Variants in BPI observed in about 807,000 individuals in gnomAD.
BPI encodes bactericidal permeability-increasing protein.
A neutral mutation model predicts 57.6 loss-of-function variants in BPI; 48 were observed. The observed-to-expected ratio is 0.83, with a 90% CI of 0.66 to 1.06. The LOEUF is 1.06. BPI is among the 50% of genes least tolerant of loss of function. BPI has a pLI of 0.00. For missense variants in BPI, 651 were observed against 609.7 expected (o/e 1.07, Z -0.71); for synonymous variants, 237 against 238.2 (o/e 0.99, Z 0.05).
At chr20:38,315,924 C>T (rs1235059632) in intron 5 of BPI, among the ~76,000 whole-genome samples, 2 of 151,828 alleles carry the variant, frequency 1.3e-5, no homozygotes, top group African/African-American at 4.8e-5. Context: ...CCTCCGCCTC[C>T]CGGGTTCAAG....
At chr20:38,316,188 CT>C (rs2076651317) in intron 5 of BPI, among the ~76,000 whole-genome samples, 1 of 152,224 alleles carries the variant, frequency 6.6e-6, no homozygotes, top group East Asian at 1.9e-4. Flanking sequence ...TTCTCCCTTT[CT>C]TCCTTCCTTC....
At chr20:38,310,786 G>A (rs550239436) in intron 4 of BPI, 134 bp downstream of exon 4, 11 of 1,113,818 alleles carry the variant, frequency 9.9e-6, no homozygotes, top group South Asian at 6.9e-5. Flanking sequence ...GGCATGGTAT[G>A]GGGGCCAGGG....
intron 10 of BPI, among the ~76,000 whole-genome samples, chr20:38,326,817 T>C (rs2076715754): frequency 6.6e-6 from 1 of 152,262 alleles, no homozygotes; most frequent in African/African-American, 2.4e-5. Context: ...ATTAGATTGT[T>C]GACTTGAAAT....
chr20:38,330,103 C>G (rs571400437), intron 11 of BPI, among the ~76,000 whole-genome samples: 1 of 152,090 alleles, frequency 6.6e-6, no homozygotes, highest in Non-Finnish European at 1.5e-5. Flanking sequence ...GGTGGCATAC[C>G]CCTGTAATCC....
chr20:38,306,967 G>C (rs2076599579), intron 1 of BPI, among the ~76,000 whole-genome samples: 1 of 152,068 alleles, frequency 6.6e-6, no homozygotes, highest in Admixed American at 6.5e-5. Context: ...AGGATCACTT[G>C]AGCCCAGGAG....
chr20:38,312,047 C>T, intron 5 of BPI, 110 bp downstream of exon 5: 1 of 1,087,922 alleles, frequency 9.2e-7, no homozygotes, highest in Non-Finnish European at 1.4e-6. Flanking sequence ...CCTTGGTAGT[C>T]CTTATGGCCC....
chr20:38,310,551 G>A lies in BPI; in HGVS notation c.435G>A (p.Lys145=), dbSNP rs778846878. The stretch of plus-strand genomic sequence containing the variant: ...GCATGTCCATTTCGGCTGATCTGAA[G>A]CTGGGCAGTAACCCCACGTCAGGCA... The part of the protein sequence containing the change: ...IEGMSISADL[K]LGSNPTSGKP... Residue 145 remains lysine (K), a synonymous_variant, in exon 4 of 15, where the codon AAG becomes AAA. Transcript: ENST00000642449. 20 of 1,614,086 alleles carry A rather than the reference G, an allele frequency of 1.2e-5. No individual in the cohort carries two copies. Among genetic ancestry groups the A allele is most frequent in the Non-Finnish European group, 1.7e-5 (20 of 1,180,044 alleles).
At chr20:38,307,910 T>C (rs1465442764) in intron 2 of BPI, among the ~76,000 whole-genome samples, 7 of 152,214 alleles carry the variant, frequency 4.6e-5, no homozygotes, top group Non-Finnish European at 1.0e-4. Context: ...CTGCGCCATA[T>C]GTCAATTAGA....
intron 12 of BPI, among the ~76,000 whole-genome samples, chr20:38,331,405 A>C (rs1022668983): frequency 8.5e-5 from 13 of 152,136 alleles, no homozygotes; most frequent in Admixed American, 8.5e-4. Flanking sequence ...CTGCTCAACA[A>C]ATGTTTGTTG....
chr20:38,323,611 C>T (rs2076697402), intron 7 of BPI, among the ~76,000 whole-genome samples: 2 of 152,214 alleles, frequency 1.3e-5, no homozygotes, highest in Non-Finnish European at 2.9e-5. Flanking sequence ...TGACCTTGGG[C>T]AAGTCACTTC....
chr20:38,334,623 A>T, intron 13 of BPI, 130 bp downstream of exon 13: 2 of 881,108 alleles, frequency 2.3e-6, no homozygotes, highest in Non-Finnish European at 3.8e-6. Flanking sequence ...TGAACTTCAA[A>T]TGGCATCTGA....
At chr20:38,310,906 C>T (rs2076618883) in intron 4 of BPI, among the ~76,000 whole-genome samples, 2 of 152,256 alleles carry the variant, frequency 1.3e-5, no homozygotes, top group Admixed American at 1.3e-4. Context: ...TCATACTAAG[C>T]ACTTTACATA....
At chr20:38,317,964 T>C in intron 5 of BPI, 4 of 985,230 alleles carry the variant, frequency 4.1e-6, no homozygotes, top group Non-Finnish European at 4.8e-6. Flanking sequence ...GGTGCCCACC[T>C]AGACTTAAGC....
At chr20:38,318,114 A>C in intron 5 of BPI, 7 of 882,662 alleles carry the variant, frequency 7.9e-6, no homozygotes, top group Non-Finnish European at 8.1e-6. Context: ...CAAAACAACA[A>C]CAGCAACAAA....
At chr20:38,335,365 T>C in intron 13 of BPI, 2 of 576,912 alleles carry the variant, frequency 3.5e-6, no homozygotes, top group East Asian at 2.9e-5. Flanking sequence ...AGGGCCATCA[T>C]GGGGATGGAG....
In BPI at chr20:38,326,308, C is replaced by T. The variant is rs777852807; in HGVS notation, c.1037C>T (p.Ser346Leu). 8.1e-6 allele frequency: 13 copies of T among 1,613,872 alleles called. No individual in the cohort carries two copies. In the South Asian group the frequency reaches 1.2e-4, roughly 15 times the overall value. The change falls in exon 10 of 15, where the codon TCA becomes TTA. Residue 346 changes from serine (S) to leucine (L), a missense_variant. Ser to Leu is a moderately radical substitution (Grantham distance 145, BLOSUM62 -2). Coordinates refer to ENST00000642449, the MANE Select transcript of BPI (RefSeq NM_001725.3). ...AACATGAAGATACAGATCCATGTCTCAGCCTCCACCCCGCCACACCTGTCT... is the reference window on the plus strand; with the variant it reads ...AACATGAAGATACAGATCCATGTCTTAGCCTCCACCCCGCCACACCTGTCT... ...FPNMKIQIHVSASTPPHLSVQ... is the reference protein window; with the variant it reads ...FPNMKIQIHVLASTPPHLSVQ...
chr20:38,327,023 T>C (rs1395053355), intron 10 of BPI, among the ~76,000 whole-genome samples: 2 of 152,242 alleles, frequency 1.3e-5, no homozygotes, highest in Admixed American at 1.3e-4. Flanking sequence ...CACTCCATTG[T>C]TGATTTATGC....
intron 5 of BPI, chr20:38,317,499 G>A (rs1218516185): frequency 3.4e-6 from 2 of 585,884 alleles, no homozygotes; most frequent in Non-Finnish European, 3.1e-6. Flanking sequence ...TGGGACTATT[G>A]ACCCAAGCCA....
chr20:38,317,850 T>A, intron 5 of BPI: 1 of 1,490,614 alleles, frequency 6.7e-7, no homozygotes, highest in Non-Finnish European at 8.9e-7. Flanking sequence ...CTCAGGCTAG[T>A]GTTTGTTCCA....
Sources: gnomAD v4.1 joint callset for allele counts (sites outside exome capture counted in the v4.1 genomes callset) on GRCh38, gnomAD v4.1.1 for gene constraint, MANE v1.5 for transcripts, NCBI Gene and HGNC (gene_info 2026-07-23, HGNC 2026-07-21) for gene names.